Variants in SYPL1 observed in about 807,000 individuals in gnomAD.
SYPL1 encodes the protein synaptophysin-like protein 1.
SYPL1 carries 6 observed loss-of-function variants against 23.7 expected under a neutral mutation model. That is an observed-to-expected ratio of 0.25 (90% CI 0.14 to 0.50). The LOEUF (loss-of-function observed/expected upper bound fraction) is 0.50. Ranked by LOEUF, SYPL1 falls within the 20% of genes least tolerant of loss-of-function variation. The pLI, the probability that SYPL1 is intolerant of heterozygous loss-of-function variation, is 0.98. For synonymous variants in SYPL1, 102 were observed against 104.5 expected (o/e 0.98, Z 0.15); for missense variants, 253 against 288.9 (o/e 0.88, Z 0.90).
chr7:106,108,553 A>G (rs10234891), intron 1 of SYPL1, among the ~76,000 whole-genome samples: 9 of 152,048 alleles, frequency 5.9e-5, no homozygotes, highest in Non-Finnish European at 8.8e-5. Context: ...AACCACCAAC[A>G]TAAGTGAACA....
At chr7:106,092,804 TA>T in intron 4 of SYPL1, 144 bp downstream of exon 4, 2 of 716,728 alleles carry the variant, frequency 2.8e-6, no homozygotes, top group South Asian at 2.1e-5. Context: ...TTTTCTTCAC[TA>T]AACACTATAT....
rs1020746165 is a variant in SYPL1, at chr7:106,097,348, A to C, written c.402+342T>G. Among the ~76,000 whole-genome samples the C allele has an allele frequency of 1.3e-5, 2 of 152,208 alleles. No individual in the cohort carries two copies. Among genetic ancestry groups the C allele is most frequent in the Non-Finnish European group, 2.9e-5 (2 of 68,036 alleles). ...CCTTTAGAGAAAGAAAAAAAGTAAG[A>C]AGCAGAAAGAGTTATGAGACTATGT... On this transcript the variant is annotated intron_variant, in intron 3 of 4. Coordinates refer to ENST00000455385, the MANE Select transcript of SYPL1 (RefSeq NM_182715.4). This position sits in a 1 kb window ranked among gnomAD's most constrained non-coding sequence, Gnocchi z 4.6.
intron 3 of SYPL1, among the ~76,000 whole-genome samples, chr7:106,094,880 A>T (rs527343413): frequency 1.1e-3 from 164 of 152,268 alleles, no homozygotes; most frequent in Non-Finnish European, 1.8e-3. Flanking sequence ...TGCACAAAGT[A>T]ACCTAGGTTG....
rs1283863062 is a variant in SYPL1, at chr7:106,096,531, G to A, written c.402+1159C>T. On this transcript the variant is annotated intron_variant, in intron 3 of 4. Transcript: ENST00000455385. The surrounding 1 kb of genome is among the most constrained non-coding windows in gnomAD (Gnocchi z 4.4). ...GTAGTTACTCTTTTATAGTGGAGGT[G>A]TAGCTTAAAACCATGATTTCTCTCT... Among the ~76,000 whole-genome samples, 1 of 152,166 alleles carries A rather than the reference G, an allele frequency of 6.6e-6. No homozygotes were observed. The highest frequency in any genetic ancestry group is 2.4e-5 in the African/African-American group (1 of 41,436).
At position 106,104,930 on chromosome 7, in the gene SYPL1, TTTG is replaced by T. The variant is rs1840517592; in HGVS notation, c.70-5651_70-5649del. ...TTCCAGTATTACAAAAAAATGTGAATTTGTTGTCATTGTTTTAATATCAGGGTA... is the reference window on the plus strand; with the variant it reads ...TTCCAGTATTACAAAAAAATGTGAATTTGTCATTGTTTTAATATCAGGGTA... On this transcript the variant is annotated intron_variant, in intron 1 of 4. Coordinates refer to ENST00000455385, the MANE Select transcript of SYPL1 (RefSeq NM_182715.4). The surrounding 1 kb of genome is among the most constrained non-coding windows in gnomAD (Gnocchi z 4.1). 6.6e-6 allele frequency among the ~76,000 whole-genome samples: 1 copy of T among 152,206 alleles called. No individual in the cohort carries two copies. Among genetic ancestry groups the T allele is most frequent in the Non-Finnish European group, 1.5e-5 (1 of 68,040 alleles).
At position 106,097,892 on chromosome 7, in the gene SYPL1, T is replaced by A; in HGVS notation, c.200A>T (p.Asn67Ile). The change falls in exon 3 of 5, where the codon AAT (asparagine) becomes ATT (isoleucine). Residue 67 changes from asparagine to isoleucine, a missense_variant. Asn to Ile is a moderately radical substitution (Grantham distance 149, BLOSUM62 -3). Transcript: ENST00000455385. This position sits in a 1 kb window ranked among gnomAD's most constrained non-coding sequence, Gnocchi z 4.6. The stretch of plus-strand genomic sequence containing the variant: ...TGGAGGTGGCTGAAATGATGCCTCA[T>A]TCAACCTATTAAAATAAATGTATGA... ...TATFGYPFRL[N>I]EASFQPPPGV... 1 of 1,610,176 alleles carries A rather than the reference T, an allele frequency of 6.2e-7. No individual in the cohort carries two copies. The highest frequency in any genetic ancestry group is 8.5e-7 in the Non-Finnish European group (1 of 1,177,318).
chr7:106,101,777 T>TAAAAAA (rs368949331), intron 1 of SYPL1, among the ~76,000 whole-genome samples: 11 of 133,064 alleles, frequency 8.3e-5, no homozygotes, highest in East Asian at 2.2e-4. Context: ...ACGTTTAAAT[T>TAAAAAA]AAAAAAAAAA....
At chr7:106,107,508 G>C (rs1378698916) in intron 1 of SYPL1, among the ~76,000 whole-genome samples, 1 of 151,758 alleles carries the variant, frequency 6.6e-6, no homozygotes, top group Non-Finnish European at 1.5e-5. Flanking sequence ...TGGGAGGCCA[G>C]GGCGGACGGA....
intron 1 of SYPL1, among the ~76,000 whole-genome samples, chr7:106,107,742 CAAAAAA>C (rs10622990): frequency 2.5e-5 from 2 of 79,346 alleles, no homozygotes; most frequent in East Asian, 7.3e-4. Flanking sequence ...ACTCCGTCTC[CAAAAAA>C]AAAAAAAAAA....
chr7:106,111,026 A>G (rs1790117784), intron 1 of SYPL1, among the ~76,000 whole-genome samples: 1 of 152,242 alleles, frequency 6.6e-6, no homozygotes, highest in Non-Finnish European at 1.5e-5. Flanking sequence ...TCTTTCAAGT[A>G]GTCATTTGTG....
chr7:106,107,707 A>C (rs1174524857), intron 1 of SYPL1, among the ~76,000 whole-genome samples: 1 of 142,742 alleles, frequency 7.0e-6, no homozygotes, highest in Admixed American at 7.4e-5. Context: ...ATGCCACTGC[A>C]CTCCAGCCTG....
intron 1 of SYPL1, 179 bp downstream of exon 1, chr7:106,111,961 C>A: frequency 2.6e-6 from 2 of 774,788 alleles, no homozygotes; most frequent in Non-Finnish European, 3.3e-6. Context: ...GCGGCGTCTC[C>A]GCCCCGCGCG....
At chr7:106,106,002 A>T (rs1384647383) in intron 1 of SYPL1, among the ~76,000 whole-genome samples, 2 of 152,190 alleles carry the variant, frequency 1.3e-5, no homozygotes, top group Admixed American at 1.3e-4. Flanking sequence ...CATTCATACT[A>T]CTCTATGATT....
upstream of SYPL1, chr7:106,112,457 G>T: frequency 1.4e-6 from 2 of 1,477,200 alleles, no homozygotes; most frequent in South Asian, 2.7e-5. Context: ...CGGAGACCGG[G>T]AGGCTTCTCC....
chr7:106,094,900 G>A (rs1159012616), intron 3 of SYPL1, among the ~76,000 whole-genome samples: 1 of 152,062 alleles, frequency 6.6e-6, no homozygotes, highest in Non-Finnish European at 1.5e-5. Context: ...GAAGGAACGT[G>A]GGGGGAATTC....
intron 3 of SYPL1, among the ~76,000 whole-genome samples, chr7:106,094,487 G>A (rs1160797495): frequency 1.3e-5 from 2 of 152,180 alleles, no homozygotes; most frequent in Non-Finnish European, 2.9e-5. Flanking sequence ...GCTCTCTGCT[G>A]CTACTTGTCC....
chr7:106,091,734 A>C lies in SYPL1; in HGVS notation c.*71T>G. The C allele has an allele frequency of 6.8e-7, 1 of 1,472,234 alleles. No individual in the cohort carries two copies. Among genetic ancestry groups the C allele is most frequent in the Non-Finnish European group, 9.1e-7 (1 of 1,099,814 alleles). 91.2% of individuals were successfully genotyped at this position (1,472,234 alleles called of 1,614,324 possible). ...CCATTACTTTTATTAGAAACAAATAATGCTTCTCAAGGTGTTGGCAACATG... is the reference window on the plus strand; with the variant it reads ...CCATTACTTTTATTAGAAACAAATACTGCTTCTCAAGGTGTTGGCAACATG... On this transcript the variant is annotated 3_prime_UTR_variant, in exon 5 of 5. Coordinates refer to ENST00000455385, the MANE Select transcript of SYPL1 (RefSeq NM_182715.4). The surrounding 1 kb of genome is among the most constrained non-coding windows in gnomAD (Gnocchi z 5.0).
chr7:106,108,989 C>T (rs993882450), intron 1 of SYPL1, among the ~76,000 whole-genome samples: 9 of 152,026 alleles, frequency 5.9e-5, no homozygotes, highest in Admixed American at 3.9e-4. Context: ...AGGAAGAATA[C>T]CAAACTCTAT....
chr7:106,112,492 C>A, upstream of SYPL1: 1 of 1,523,930 alleles, frequency 6.6e-7, no homozygotes. Flanking sequence ...GCCGAGTCGA[C>A]TGATCCGCTG....
Sources: gnomAD v4.1 joint callset for allele counts (sites outside exome capture counted in the v4.1 genomes callset) on GRCh38, gnomAD v4.1.1 for gene constraint, Gnocchi (gnomAD v3.1) non-coding constraint, MANE v1.5 for transcripts, NCBI Gene and HGNC (gene_info 2026-07-23, HGNC 2026-07-21) for gene names.